Variants in ZNF236 observed in about 807,000 individuals in gnomAD.
ZNF236 encodes the protein regulated by glucose.
A neutral mutation model predicts 191.2 loss-of-function variants in ZNF236; 50 were observed. The ratio of observed to expected loss-of-function variants is 0.26; its 90% confidence interval spans 0.21 to 0.33. ZNF236 has a LOEUF of 0.33. ZNF236 is among the 10% of genes least tolerant of loss of function. The pLI, the probability that ZNF236 is intolerant of heterozygous loss-of-function variation, is 1.00. For synonymous variants in ZNF236, 907 were observed against 928.8 expected (o/e 0.98, Z 0.43); for missense variants, 1,754 against 2,374.5 (o/e 0.74, Z 5.43).
chr18:76,852,217 C>G (rs1433428420), intron 3 of ZNF236, among the ~76,000 whole-genome samples: 1 of 152,216 alleles, frequency 6.6e-6, no homozygotes, highest in Non-Finnish European at 1.5e-5. Context: ...CCTGGCGCCT[C>G]ACCCTCCTCT....
rs1967745001 is a variant in ZNF236 at position 76,927,793 on chromosome 18, A to G, written c.4415-134A>G. ...TTCTTAGACGAAGGAATTAGAGATGACTGATGCTTTGTTTTAAATCTTTGT... is the reference window on the plus strand; with the variant it reads ...TTCTTAGACGAAGGAATTAGAGATGGCTGATGCTTTGTTTTAAATCTTTGT... On this transcript the variant is annotated intron_variant, in intron 24 of 30. Coordinates refer to ENST00000320610, the MANE Select transcript of ZNF236 (RefSeq NM_001306089.2). The surrounding 1 kb of genome is among the most constrained non-coding windows in gnomAD (Gnocchi z 5.4). 7.1e-6 allele frequency: 6 copies of G among 839,620 alleles called. No homozygotes were observed. The highest frequency in any genetic ancestry group is 1.1e-5 in the Non-Finnish European group (6 of 563,950). 52.0% of individuals were successfully genotyped at this position (839,620 alleles called of 1,614,324 possible).
intron 1 of ZNF236, among the ~76,000 whole-genome samples, chr18:76,836,543 G>A (rs1178364526): frequency 2.0e-5 from 3 of 151,768 alleles, no homozygotes; most frequent in Admixed American, 6.6e-5. Flanking sequence ...AGTGCCCTTT[G>A]ATTCACAAAG....
intron 4 of ZNF236, among the ~76,000 whole-genome samples, chr18:76,870,969 G>A (rs957259905): frequency 5.9e-5 from 9 of 152,256 alleles, no homozygotes; most frequent in African/African-American, 2.2e-4. Context: ...TCAAAAGCAG[G>A]GAGACCTTTT....
chr18:76,893,612 A>G (rs1042274494), intron 9 of ZNF236, among the ~76,000 whole-genome samples: 1 of 152,164 alleles, frequency 6.6e-6, no homozygotes, highest in African/African-American at 2.4e-5. Flanking sequence ...GGCTCAAGCC[A>G]TCCTTCTACC....
intron 3 of ZNF236, among the ~76,000 whole-genome samples, chr18:76,864,198 T>C (rs1976331361): frequency 3.0e-5 from 4 of 133,366 alleles, no homozygotes; most frequent in Non-Finnish European, 6.8e-5. Flanking sequence ...ACAAATATCT[T>C]TTTTTTTTTT....
intron 1 of ZNF236, among the ~76,000 whole-genome samples, chr18:76,835,512 A>G (rs1260859544): frequency 8.3e-6 from 1 of 120,656 alleles, no homozygotes; most frequent in East Asian, 2.7e-4. Context: ...TTTTCCTGGT[A>G]TAGTAACTCT....
At chr18:76,843,819 C>T (rs1456722884) in intron 1 of ZNF236, among the ~76,000 whole-genome samples, 5 of 111,700 alleles carry the variant, frequency 4.5e-5, no homozygotes, top group African/African-American at 6.6e-5. Flanking sequence ...AAGAAGAGAC[C>T]GGGCGCAGTG....
intron 26 of ZNF236, among the ~76,000 whole-genome samples, chr18:76,940,932 G>A (rs965619953): frequency 1.5e-4 from 23 of 152,302 alleles, no homozygotes; most frequent in Non-Finnish European, 1.8e-4. Flanking sequence ...CATTCTCAAA[G>A]GAGCATGAAT....
chr18:76,908,962 TC>T, intron 14 of ZNF236, among the ~76,000 whole-genome samples: 1 of 99,140 alleles, frequency 1.0e-5, no homozygotes, highest in East Asian at 2.8e-4. Flanking sequence ...TATGTGTGTG[TC>T]TGTGTGTGTG....
chr18:76,865,367 A>C (rs1020253028), intron 3 of ZNF236, among the ~76,000 whole-genome samples: 1 of 151,964 alleles, frequency 6.6e-6, no homozygotes, highest in African/African-American at 2.4e-5. Context: ...AACAAAAAAA[A>C]CCTCTCATAT....
chr18:76,894,116 A>G (rs989002710), intron 9 of ZNF236, among the ~76,000 whole-genome samples: 1 of 152,264 alleles, frequency 6.6e-6, no homozygotes, highest in African/African-American at 2.4e-5. Flanking sequence ...TTTCAGATGA[A>G]TAAATCTAAT....
At chr18:76,902,139 A>G (rs1326963540) in intron 11 of ZNF236, among the ~76,000 whole-genome samples, 1 of 152,220 alleles carries the variant, frequency 6.6e-6, no homozygotes, top group East Asian at 1.9e-4. Flanking sequence ...GTTTAGGCTG[A>G]GGAAGACACA....
At chr18:76,830,155 C>T (rs1410601061) in intron 1 of ZNF236, among the ~76,000 whole-genome samples, 3 of 152,208 alleles carry the variant, frequency 2.0e-5, no homozygotes, top group Non-Finnish European at 4.4e-5. Flanking sequence ...AGGTGTGAGC[C>T]ACGGTGCCTG....
At chr18:76,967,859 G>C (rs192353580) in intron 30 of ZNF236, among the ~76,000 whole-genome samples, 4 of 152,044 alleles carry the variant, frequency 2.6e-5, no homozygotes, top group African/African-American at 9.7e-5. Flanking sequence ...GAAGGAAAAA[G>C]GGGTAATTTT....
intron 1 of ZNF236, among the ~76,000 whole-genome samples, chr18:76,837,437 C>CTTTTTTTTTTTTTTTTTT (rs71760598): frequency 9.4e-6 from 1 of 105,854 alleles, no homozygotes; most frequent in Non-Finnish European, 1.9e-5. Context: ...TTTTCTTTTT[C>CTTTTTTTTTTTTTTTTTT]TTTTTTTTTT....
At chr18:76,871,002 C>T (rs1051523262) in intron 4 of ZNF236, among the ~76,000 whole-genome samples, 26 of 152,106 alleles carry the variant, frequency 1.7e-4, no homozygotes, top group African/African-American at 6.0e-4. Flanking sequence ...AAGCAGTGCA[C>T]TGGAGAGCCG....
At chr18:76,862,525 C>T (rs1463156022) in intron 3 of ZNF236, among the ~76,000 whole-genome samples, 1 of 152,024 alleles carries the variant, frequency 6.6e-6, no homozygotes, top group Admixed American at 6.6e-5. Context: ...CCCAGAATTC[C>T]CCTCCCAGCG....
chr18:76,885,509 TCACTCATTC>T (rs1977025619), intron 9 of ZNF236: 1 of 159,496 alleles, frequency 6.3e-6, no homozygotes. Flanking sequence ...CTCTGTACCT[TCACTCATTC>T]CACTGCCTGT....
rs531742251 is a variant in ZNF236 at position 76,828,995 on chromosome 18, C to G, written c.55+6333C>G. ...TTTGAAGGAAGTGTGATTAGATAAC[C>G]TCTAAAGATTTTATAATCCTGGCAT... On this transcript the variant is annotated intron_variant, in intron 1 of 30. Transcript: ENST00000320610. Among the ~76,000 whole-genome samples the G allele has an allele frequency of 1.8e-4, 28 of 152,294 alleles. No homozygotes were observed. In the South Asian group the frequency reaches 3.7e-3, roughly 20 times the overall value.
Sources: gnomAD v4.1 joint callset for allele counts (sites outside exome capture counted in the v4.1 genomes callset) on GRCh38, gnomAD v4.1.1 for gene constraint, Gnocchi (gnomAD v3.1) non-coding constraint, MANE v1.5 for transcripts, NCBI Gene and HGNC (gene_info 2026-07-23, HGNC 2026-07-21) for gene names.